The following ASPHD2 variants were observed in gnomAD, a reference collection of about 807,000 sequenced individuals.
The protein encoded by ASPHD2 is aspartate beta-hydroxylase domain-containing protein 2.
Under a neutral mutation model 34.6 loss-of-function variants are expected in ASPHD2, and 12 were observed. The ratio of observed to expected loss-of-function variants is 0.35; its 90% CI spans 0.22 to 0.56. The LOEUF (loss-of-function observed/expected upper bound fraction) is 0.56, where lower values mean the gene tolerates loss of function less well. Ranked by LOEUF, ASPHD2 falls within the 20% of genes least tolerant of loss-of-function variation. The pLI is 0.87. For missense variants in ASPHD2, 375 were observed against 505.0 expected (o/e 0.74, Z 2.47); for synonymous variants, 224 against 212.2 (o/e 1.06, Z -0.48).
rs150944010 is a variant in ASPHD2 at position 26,433,759 on chromosome 22, C to T, written c.144C>T (p.Thr48=). 9 of 1,613,646 alleles carry T rather than the reference C, an allele frequency of 5.6e-6. No homozygotes were observed. The Admixed American group carries it at 8.3e-5, about 15-fold the overall frequency. ...ATGGCCTGAGGGACTGCATCGCCAC[C>T]GGCATCCAGTCCGTGCGGGACTGCG... is the stretch of plus-strand genomic sequence containing the variant. ...SLDGLRDCIA[T]GIQSVRDCDT... is the part of the protein sequence containing the mutation. The change falls in exon 2 of 4, where the codon ACC becomes ACT. Residue 48 remains threonine (T), a synonymous_variant. Transcript: ENST00000215906. This position sits in a 1 kb window ranked among gnomAD's most constrained non-coding sequence, Gnocchi z 5.1.
chr22:26,431,102 C>T (rs958553038), intron 1 of ASPHD2, among the ~76,000 whole-genome samples: 23 of 152,328 alleles, frequency 1.5e-4, no homozygotes, highest in Admixed American at 1.4e-3. Context: ...TTCCTCCTGA[C>T]AGACTCAGTT....
Position 26,443,269 on chromosome 22 carries a change from C to A in ASPHD2, c.*63C>A. Reference sequence around the variant, plus strand: ...GGCGGGGCCTGGGCAGACTGTGGTCCGGTCCAGTCCCTACCGGTGTTGTTT... The same window carrying A: ...GGCGGGGCCTGGGCAGACTGTGGTCAGGTCCAGTCCCTACCGGTGTTGTTT... On this transcript the variant is annotated 3_prime_UTR_variant, in exon 4 of 4. Coordinates refer to ENST00000215906, the MANE Select transcript of ASPHD2 (RefSeq NM_020437.5). The A allele has an allele frequency of 1.5e-6, 2 of 1,362,896 alleles. No individual in the cohort carries two copies. Among genetic ancestry groups the A allele is most frequent in the African/African-American group, 1.4e-5 (1 of 69,932 alleles). The allele number at this position is 1,362,896 out of a possible 1,614,324, so 84.4% of individuals were successfully genotyped here. A position where few individuals can be genotyped will look rare whatever the true frequency, so the allele number is the denominator to read the frequency against.
chr22:26,442,315 G>T, intron 2 of ASPHD2, 144 bp from the exon 3 acceptor site: 1 of 611,282 alleles, frequency 1.6e-6, no homozygotes, highest in Non-Finnish European at 2.9e-6. Context: ...CAAGCCTTCA[G>T]ACCATAGCAC....
chr22:26,438,482 T>C (rs7511605), intron 2 of ASPHD2, among the ~76,000 whole-genome samples: 3,027 of 87,996 alleles, frequency 0.034, 113 homozygotes, highest in African/African-American at 0.1. Context: ...TATATATACA[T>C]ATATATAGAT....
chr22:26,436,391 G>A (rs1180704326), intron 2 of ASPHD2, among the ~76,000 whole-genome samples: 2 of 152,234 alleles, frequency 1.3e-5, no homozygotes, highest in East Asian at 1.9e-4. Context: ...ACTGCTGTGC[G>A]AGGCCCCAAG....
intron 2 of ASPHD2, among the ~76,000 whole-genome samples, chr22:26,435,386 G>C (rs2084784315): frequency 6.7e-6 from 1 of 148,444 alleles, no homozygotes; most frequent in Admixed American, 6.7e-5. Flanking sequence ...GCGATAAAAA[G>C]CTCGTCTCTG....
chr22:26,433,836 A>C lies in ASPHD2; in HGVS notation c.221A>C (p.Tyr74Ser). 2.5e-6 allele frequency: 4 copies of C among 1,613,944 alleles called. No homozygotes were observed. The highest frequency in any genetic ancestry group is 3.4e-6 in the Non-Finnish European group (4 of 1,180,012). ...VACLLVLFVW[Y>S]CYHVGREQPR... ...TGCCTCCTGGTCCTCTTCGTGTGGT[A>C]CTGTTATCACGTGGGCAGGGAGCAG... is the stretch of plus-strand genomic sequence containing the variant. Residue 74 changes from tyrosine (Y) to serine (S), a missense_variant, in exon 2 of 4, where the codon TAC (tyrosine) becomes TCC (serine). Transcript: ENST00000215906. This position sits in a 1 kb window ranked among gnomAD's most constrained non-coding sequence, Gnocchi z 5.1.
At chr22:26,442,719 T>G (rs1007337447) in intron 3 of ASPHD2, 147 bp downstream of exon 3, 19 of 619,326 alleles carry the variant, frequency 3.1e-5, no homozygotes, top group Non-Finnish European at 5.6e-6. Flanking sequence ...CACACAGTAT[T>G]GATGCGTTAT....
chr22:26,437,793 C>A lies in ASPHD2; in HGVS notation c.886+3292C>A, dbSNP rs372637895. ...AAGTGGGGGCCACTGGTGGACACAG[C>A]CCTTTCTCTACCCTCCTTCCTGCCT... On this transcript the variant is annotated intron_variant, in intron 2 of 3. Transcript: ENST00000215906. Among the ~76,000 whole-genome samples, 8 of 152,090 alleles carry A rather than the reference C, an allele frequency of 5.3e-5. No homozygotes were observed. In the East Asian group the frequency reaches 1.5e-3, roughly 29 times the overall value.
chr22:26,442,807 A>G (rs908760045), intron 3 of ASPHD2, among the ~76,000 whole-genome samples: 3 of 152,156 alleles, frequency 2.0e-5, no homozygotes, highest in Non-Finnish European at 4.4e-5. Flanking sequence ...CGCCAAATGG[A>G]TAATGACACG....
chr22:26,443,409 G>GT lies in ASPHD2; in HGVS notation c.*203_*204insT. 1 of 527,718 alleles carries GT rather than the reference G, an allele frequency of 1.9e-6. No homozygotes were observed. The highest frequency in any genetic ancestry group is 3.4e-6 in the Non-Finnish European group (1 of 298,062). The allele number at this position is 527,718 out of a possible 1,614,324, so 32.7% of individuals were successfully genotyped here. On this transcript the variant is annotated 3_prime_UTR_variant, in exon 4 of 4. Coordinates refer to ENST00000215906, the MANE Select transcript of ASPHD2 (RefSeq NM_020437.5). The stretch of plus-strand genomic sequence containing the variant: ...AAACTTTTCGGCTTGTATTTCCTTA[G>GT]ATTTTTTTTTTTTCCTTCCAATCAT...
chr22:26,436,172 G>T (rs535280564), intron 2 of ASPHD2, among the ~76,000 whole-genome samples: 1 of 152,178 alleles, frequency 6.6e-6, no homozygotes, highest in Non-Finnish European at 1.5e-5. Flanking sequence ...TCCTGGCCTC[G>T]CCCCATTTGC....
chr22:26,431,555 A>G (rs1370618548), intron 1 of ASPHD2, among the ~76,000 whole-genome samples: 2 of 152,196 alleles, frequency 1.3e-5, no homozygotes, highest in Non-Finnish European at 2.9e-5. Context: ...ATTATAGTCA[A>G]GTGATTATTC....
Position 26,442,532 on chromosome 22 carries a change from T to G in ASPHD2, c.960T>G (p.Leu320=). The change falls in exon 3 of 4, where the codon CTT becomes CTG. Residue 320 remains leucine (L), a synonymous_variant. Transcript: ENST00000215906. ...EPQCWAEGRC[L]LFDDSFLHAA... ...AGTGCTGGGCAGAAGGGCGCTGCCT[T>G]CTCTTTGATGACTCTTTCCTGCATG... is the stretch of plus-strand genomic sequence containing the variant. 1 of 1,611,506 alleles carries G rather than the reference T, an allele frequency of 6.2e-7. No individual in the cohort carries two copies. The highest frequency in any genetic ancestry group is 8.5e-7 in the Non-Finnish European group (1 of 1,178,744).
In ASPHD2 at chr22:26,434,149, T is replaced by C. The variant is rs1475220341; in HGVS notation, c.534T>C (p.Tyr178=). The change falls in exon 2 of 4, where the codon TAT becomes TAC. Residue 178 remains tyrosine, a synonymous_variant. Transcript: ENST00000215906. ...TGCCCGACCTGCCCACCACGCCCTA[T>C]TTCTCCCGGGACGCACAGAAACATG... The part of the protein sequence containing the change: ...FFLPDLPTTP[Y]FSRDAQKHDV... 5 of 1,611,918 alleles carry C rather than the reference T, an allele frequency of 3.1e-6. No individual in the cohort carries two copies. The South Asian group carries it at 3.3e-5, about 11-fold the overall frequency.
intron 2 of ASPHD2, among the ~76,000 whole-genome samples, chr22:26,441,374 A>C (rs2084836381): frequency 6.7e-6 from 1 of 149,898 alleles, no homozygotes; most frequent in South Asian, 2.1e-4. Context: ...GCTACTCAAG[A>C]GGGTGAGGCT....
chr22:26,436,865 T>TGC (rs2084795907), intron 2 of ASPHD2, among the ~76,000 whole-genome samples: 1 of 151,970 alleles, frequency 6.6e-6, no homozygotes, highest in African/African-American at 2.4e-5. Context: ...TGTGTGTGTG[T>TGC]GTAAAACATG....
At chr22:26,431,369 T>G (rs880421) in intron 1 of ASPHD2, among the ~76,000 whole-genome samples, 66,780 of 150,488 alleles carry the variant, frequency 0.44, 15,818 homozygotes, top group Admixed American at 0.59. Flanking sequence ...AGTCATAGCC[T>G]TTTCCTCTTC....
chr22:26,434,321 CAG>C lies in ASPHD2; in HGVS notation c.707_708del (p.Gln236ArgfsTer9). ...GEWFTFYLVN[Q>X]GVCVPRNCRK... ...GTGGTTCACCTTTTACTTGGTCAATCAGGGGGTTTGTGTTCCCAGGAACTGTA... is the reference window on the plus strand; with the variant it reads ...GTGGTTCACCTTTTACTTGGTCAATCGGGGTTTGTGTTCCCAGGAACTGTA... On this transcript the variant is annotated frameshift_variant, in exon 2 of 4. Transcript: ENST00000215906. LOFTEE classifies it high-confidence loss of function. 6.2e-7 allele frequency: 1 copy of C among 1,614,182 alleles called. No individual in the cohort carries two copies. Among genetic ancestry groups the C allele is most frequent in the Non-Finnish European group, 8.5e-7 (1 of 1,180,028 alleles).
Sources: gnomAD v4.1 joint callset for allele counts (sites outside exome capture counted in the v4.1 genomes callset) on GRCh38, gnomAD v4.1.1 for gene constraint, Gnocchi (gnomAD v3.1) non-coding constraint, MANE v1.5 for transcripts, NCBI Gene and HGNC (gene_info 2026-07-23, HGNC 2026-07-21) for gene names.